Variants in CDH18 observed in about 807,000 individuals in gnomAD.
CDH18 encodes cadherin 18.
Under a neutral mutation model 67.9 loss-of-function variants are expected in CDH18, and 31 were observed. The observed-to-expected ratio is 0.46, with a 90% confidence interval of 0.34 to 0.62. CDH18 has a LOEUF of 0.62. CDH18 is among the 20% of genes least tolerant of loss of function. The pLI, the probability that CDH18 is intolerant of heterozygous loss-of-function variation, is 0.01. For synonymous variants in CDH18, 362 were observed against 347.2 expected (o/e 1.04, Z -0.48); for missense variants, 890 against 975.5 (o/e 0.91, Z 1.17).
chr5:20,240,674 CTATTT>C (rs1197769374), intron 2 of CDH18, among the ~76,000 whole-genome samples: 1 of 152,180 alleles, frequency 6.6e-6, no homozygotes, highest in Non-Finnish European at 1.5e-5. Flanking sequence ...CTTCTTGAAT[CTATTT>C]TAATATCTGT....
At chr5:20,353,701 A>T (rs1025127801) in intron 1 of CDH18, among the ~76,000 whole-genome samples, 7 of 152,208 alleles carry the variant, frequency 4.6e-5, no homozygotes, top group African/African-American at 1.4e-4. Flanking sequence ...ATCTCGCAGC[A>T]ATCAGCCATT....
intron 2 of CDH18, among the ~76,000 whole-genome samples, chr5:20,104,886 T>C (rs1460319836): frequency 1.3e-5 from 2 of 152,152 alleles, no homozygotes; most frequent in African/African-American, 2.4e-5. Context: ...ACACTTCCTA[T>C]ACCATTTATT....
At chr5:20,495,043 G>A (rs1753824639) in intron 1 of CDH18, among the ~76,000 whole-genome samples, 2 of 152,198 alleles carry the variant, frequency 1.3e-5, no homozygotes, top group South Asian at 4.2e-4. Flanking sequence ...GAAAGTACAA[G>A]GCTGTAAATT....
chr5:20,365,586 AT>A (rs2150077171), intron 1 of CDH18, among the ~76,000 whole-genome samples: 1 of 152,302 alleles, frequency 6.6e-6, no homozygotes, highest in Non-Finnish European at 1.5e-5. Context: ...GTTTATTGTC[AT>A]GTTTCCTTCA....
At chr5:19,691,817 T>C (rs1027896161) in intron 5 of CDH18, among the ~76,000 whole-genome samples, 4 of 151,920 alleles carry the variant, frequency 2.6e-5, no homozygotes, top group African/African-American at 7.2e-5. Context: ...TCAATCTTGA[T>C]TGAATGCAAT....
chr5:19,680,263 T>TA (rs147009238), intron 5 of CDH18, among the ~76,000 whole-genome samples: 2,570 of 152,006 alleles, frequency 0.017, 91 homozygotes, highest in Admixed American at 0.063. Flanking sequence ...TTACACCATA[T>TA]AAAAAAATCA....
At chr5:20,495,922 C>G (rs1340024025) in intron 1 of CDH18, among the ~76,000 whole-genome samples, 1 of 152,066 alleles carries the variant, frequency 6.6e-6, no homozygotes, top group East Asian at 1.9e-4. Context: ...TGGAATACAA[C>G]TTGACTAAGT....
intron 2 of CDH18, among the ~76,000 whole-genome samples, chr5:19,883,776 T>G (rs1200250051): frequency 6.6e-6 from 1 of 152,120 alleles, no homozygotes; most frequent in Non-Finnish European, 1.5e-5. Flanking sequence ...AATGCAGAAC[T>G]AAATCTCAAC....
intron 1 of CDH18, among the ~76,000 whole-genome samples, chr5:20,497,967 G>A (rs1304311666): frequency 1.3e-5 from 2 of 152,040 alleles, no homozygotes; most frequent in African/African-American, 4.8e-5. Flanking sequence ...GTCCCAGAGA[G>A]CTGTCTTGCC....
chr5:19,481,312 T>C (rs895328071), intron 12 of CDH18, among the ~76,000 whole-genome samples: 2 of 152,154 alleles, frequency 1.3e-5, no homozygotes, highest in Non-Finnish European at 2.9e-5. Context: ...CAGCAACATA[T>C]AAGAAGTTAT....
chr5:19,713,235 T>C (rs1017254381), intron 5 of CDH18, among the ~76,000 whole-genome samples: 3 of 152,086 alleles, frequency 2.0e-5, no homozygotes, highest in Non-Finnish European at 4.4e-5. Flanking sequence ...TTGACCAACA[T>C]TGATTCTTAT....
chr5:19,508,206 A>C (rs1364344807), intron 10 of CDH18, among the ~76,000 whole-genome samples: 3 of 152,090 alleles, frequency 2.0e-5, no homozygotes, highest in African/African-American at 7.2e-5. Flanking sequence ...TAGAATTTGC[A>C]TTCATTGTTA....
chr5:20,056,478 GTTTTT>G (rs58415003), intron 2 of CDH18, among the ~76,000 whole-genome samples: 4 of 16,294 alleles, frequency 2.5e-4, no homozygotes, highest in African/African-American at 8.5e-4. Flanking sequence ...TCTTTCTTTT[GTTTTT>G]TTTTTTTTTT....
At chr5:20,521,149 A>G (rs1351316358) in intron 1 of CDH18, among the ~76,000 whole-genome samples, 1 of 152,190 alleles carries the variant, frequency 6.6e-6, no homozygotes, top group East Asian at 1.9e-4. Flanking sequence ...GAAAATGCCA[A>G]TGATTGCCTG....
At chr5:20,356,640 A>G (rs1741629742) in intron 1 of CDH18, among the ~76,000 whole-genome samples, 1 of 151,598 alleles carries the variant, frequency 6.6e-6, no homozygotes. Flanking sequence ...TACTGGGAGG[A>G]AAAACAAGCA....
chr5:19,795,365 A>G (rs919285565), intron 3 of CDH18, among the ~76,000 whole-genome samples: 1 of 152,184 alleles, frequency 6.6e-6, no homozygotes, highest in Non-Finnish European at 1.5e-5. Context: ...CTGTCTAAGT[A>G]CAGCAGGAAA....
chr5:19,759,389 A>G (rs1772042413), intron 3 of CDH18, among the ~76,000 whole-genome samples: 1 of 152,186 alleles, frequency 6.6e-6, no homozygotes, highest in South Asian at 2.1e-4. Context: ...AGGCAGCTCT[A>G]AAGGCTTCCA....
chr5:20,421,758 T>C (rs1168664363), intron 1 of CDH18, among the ~76,000 whole-genome samples: 1 of 150,444 alleles, frequency 6.6e-6, no homozygotes, highest in African/African-American at 2.5e-5. Context: ...TGGAACAAAG[T>C]AAAATAATGA....
chr5:19,897,005 T>G (rs1789413915), intron 2 of CDH18, among the ~76,000 whole-genome samples: 1 of 152,098 alleles, frequency 6.6e-6, no homozygotes, highest in South Asian at 2.1e-4. Context: ...CAGTAGAATA[T>G]CTTCATGACT....
Sources: gnomAD v4.1 joint callset for allele counts (sites outside exome capture counted in the v4.1 genomes callset) on GRCh38, gnomAD v4.1.1 for gene constraint, MANE v1.5 for transcripts, NCBI Gene and HGNC (gene_info 2026-07-23, HGNC 2026-07-21) for gene names.